CCDC71L: variants seen among roughly 807,000 people sequenced by gnomAD.
CCDC71L encodes the protein coiled-coil domain-containing protein 71L.
Under a neutral mutation model 10.2 loss-of-function variants are expected in CCDC71L, and 6 were observed. That is an observed-to-expected ratio of 0.59 (90% CI 0.32 to 1.16). The LOEUF (loss-of-function observed/expected upper bound fraction) is 1.16, where lower values mean the gene tolerates loss of function less well. CCDC71L is among the 50% of genes most tolerant of loss of function. The pLI, the probability that CCDC71L is intolerant of heterozygous loss-of-function variation, is 0.05. For missense variants in CCDC71L, 366 were observed against 383.4 expected (o/e 0.95, Z 0.38); for synonymous variants, 204 against 175.5 (o/e 1.16, Z -1.28).
chr7:106,656,809 A>G lies in CCDC71L; in HGVS notation c.*3380T>C, dbSNP rs1456710687. 6.6e-6 allele frequency: 1 copy of G among 152,234 alleles called. No homozygotes were observed. The highest frequency in any genetic ancestry group is 1.5e-5 in the Non-Finnish European group (1 of 68,026). The allele number at this position is 152,234 out of a possible 1,614,324, so 9.4% of individuals were successfully genotyped here. A position where few individuals can be genotyped will look rare whatever the true frequency, so the allele number is the denominator to read the frequency against. On this transcript the variant is annotated 3_prime_UTR_variant, in exon 1 of 1. Transcript: ENST00000523505. ...ATTTACAGTTAATAAGTTAAAAAGC[A>G]AAGTACAAGCAGATTATAAATCTCA...
rs1474827894 is a variant in CCDC71L at position 106,659,659 on chromosome 7, G to A, written c.*530C>T. The A allele has an allele frequency of 6.5e-6, 1 of 152,674 alleles. No homozygotes were observed. Among genetic ancestry groups the A allele is most frequent in the African/African-American group, 2.4e-5 (1 of 41,430 alleles). 9.5% of individuals were successfully genotyped at this position (152,674 alleles called of 1,614,324 possible). A position where few individuals can be genotyped will look rare whatever the true frequency, so the allele number is the denominator to read the frequency against. ...CCAGTAAAAATTAGGAAACGAGTGG[G>A]CTTCAGAATACCCTGAGCACAAACT... is the stretch of plus-strand genomic sequence containing the variant. On this transcript the variant is annotated 3_prime_UTR_variant, in exon 1 of 1. Coordinates refer to ENST00000523505, the MANE Select transcript of CCDC71L (RefSeq NM_175884.6).
rs1230403622 is a variant in CCDC71L, at chr7:106,658,517, C to G, written c.*1672G>C. 5 of 152,264 alleles carry G rather than the reference C, an allele frequency of 3.3e-5. No individual in the cohort carries two copies. The highest frequency in any genetic ancestry group is 3.3e-4 in the Admixed American group (5 of 15,276). The allele number at this position is 152,264 out of a possible 1,614,324, so 9.4% of individuals were successfully genotyped here. A position where few individuals can be genotyped will look rare whatever the true frequency, so the allele number is the denominator to read the frequency against. On this transcript the variant is annotated 3_prime_UTR_variant, in exon 1 of 1. Transcript: ENST00000523505. ...AGTCAAAATTGTAACTCTCATTATT[C>G]TCCTAAAAAGCTGCCAAGCAGAGAT... is the stretch of plus-strand genomic sequence containing the variant.
At position 106,656,970 on chromosome 7, in the gene CCDC71L, T is replaced by C. The variant is rs945242902; in HGVS notation, c.*3219A>G. The C allele has an allele frequency of 6.6e-6, 1 of 152,208 alleles. No homozygotes were observed. Among genetic ancestry groups the C allele is most frequent in the Admixed American group, 6.5e-5 (1 of 15,284 alleles). 9.4% of individuals were successfully genotyped at this position (152,208 alleles called of 1,614,324 possible). On this transcript the variant is annotated 3_prime_UTR_variant, in exon 1 of 1. Coordinates refer to ENST00000523505, the MANE Select transcript of CCDC71L (RefSeq NM_175884.6). Reference sequence around the variant, plus strand: ...AATAAATATTAGGCATGTATGTCCATTAAAAACCATTAAAGAGTCCTGTGG... The same window carrying C: ...AATAAATATTAGGCATGTATGTCCACTAAAAACCATTAAAGAGTCCTGTGG...
chr7:106,660,064 A>G lies in CCDC71L; in HGVS notation c.*125T>C, dbSNP rs1792561088. ...ACCATCCGGCAACTTCTTCGCGCGT[A>G]AAGTGCATTGGGGGCCGGGGTCCTG... On this transcript the variant is annotated 3_prime_UTR_variant, in exon 1 of 1. Coordinates refer to ENST00000523505, the MANE Select transcript of CCDC71L (RefSeq NM_175884.6). This position sits in a 1 kb window ranked among gnomAD's most constrained non-coding sequence, Gnocchi z 7.5. 8.0e-7 allele frequency: 1 copy of G among 1,256,328 alleles called. No individual in the cohort carries two copies. Among genetic ancestry groups the G allele is most frequent in the Non-Finnish European group, 1.0e-6 (1 of 968,016 alleles). The allele number at this position is 1,256,328 out of a possible 1,614,324, so 77.8% of individuals were successfully genotyped here.
chr7:106,660,911 GGCCACTCAC>G lies in CCDC71L; in HGVS notation c.-24_-16del. On this transcript the variant is annotated 5_prime_UTR_variant, in exon 1 of 1. Coordinates refer to ENST00000523505, the MANE Select transcript of CCDC71L (RefSeq NM_175884.6). The surrounding 1 kb of genome is among the most constrained non-coding windows in gnomAD (Gnocchi z 7.5). ...CTGCGCCGCATCGAAGGCCGCTCCG[GGCCACTCAC>G]GCTCGCCGGGTCCCACTACTGCCGC... is the stretch of plus-strand genomic sequence containing the variant. The G allele has an allele frequency of 7.4e-7, 1 of 1,357,344 alleles. No homozygotes were observed. Among genetic ancestry groups the G allele is most frequent in the Admixed American group, 4.0e-5 (1 of 24,916 alleles). The allele number at this position is 1,357,344 out of a possible 1,614,324, so 84.1% of individuals were successfully genotyped here.
chr7:106,656,054 C>T lies in CCDC71L; in HGVS notation c.*4135G>A, dbSNP rs1792485320. On this transcript the variant is annotated 3_prime_UTR_variant, in exon 1 of 1. Transcript: ENST00000523505. ...GGTAGTTATTAATCCTTATAATATCCCAATAGTTTCTTTCACTAATCACAT... is the reference window on the plus strand; with the variant it reads ...GGTAGTTATTAATCCTTATAATATCTCAATAGTTTCTTTCACTAATCACAT... Among the ~76,000 whole-genome samples, 1 of 152,074 alleles carries T rather than the reference C, an allele frequency of 6.6e-6. No individual in the cohort carries two copies. The highest frequency in any genetic ancestry group is 2.4e-5 in the African/African-American group (1 of 41,376).
At position 106,660,007 on chromosome 7, in the gene CCDC71L, A is replaced by G; in HGVS notation, c.*182T>C. ...GAGGGCACACCTGCCCCAGCGTCCA[A>G]GACGACCGCGCCGCGGCCCGGGACA... On this transcript the variant is annotated 3_prime_UTR_variant, in exon 1 of 1. Transcript: ENST00000523505. The surrounding 1 kb of genome is among the most constrained non-coding windows in gnomAD (Gnocchi z 7.5). 8 of 861,980 alleles carry G rather than the reference A, an allele frequency of 9.3e-6. No individual in the cohort carries two copies. In the South Asian group the frequency reaches 1.0e-4, roughly 11 times the overall value. The allele number at this position is 861,980 out of a possible 1,614,324, so 53.4% of individuals were successfully genotyped here. A position where few individuals can be genotyped will look rare whatever the true frequency, so the allele number is the denominator to read the frequency against.
chr7:106,660,768 C>T lies in CCDC71L; in HGVS notation c.129G>A (p.Ser43=), dbSNP rs1481766991. Reference sequence around the variant, plus strand: ...TGTCAGCCAGCGACAGTTGCGACCGCGAGTACACCACCTTCTCCTCCCGCG... The same window carrying T: ...TGTCAGCCAGCGACAGTTGCGACCGTGAGTACACCACCTTCTCCTCCCGCG... ...LEAREEKVVY[S]RSQLSLADST... Residue 43 remains serine (S), a synonymous_variant, in exon 1 of 1, where the codon TCG becomes TCA. Coordinates refer to ENST00000523505, the MANE Select transcript of CCDC71L (RefSeq NM_175884.6). The surrounding 1 kb of genome is among the most constrained non-coding windows in gnomAD (Gnocchi z 7.5). 6.4e-7 allele frequency: 1 copy of T among 1,553,146 alleles called. No individual in the cohort carries two copies. Among genetic ancestry groups the T allele is most frequent in the African/African-American group, 1.4e-5 (1 of 72,946 alleles).
At position 106,660,577 on chromosome 7, in the gene CCDC71L, A is replaced by T. The variant is rs1365395912; in HGVS notation, c.320T>A (p.Leu107Gln). ...DVYGYSSCRA[L>Q]VPDPPGPPTA... ...AGGGGGCCCCGGGGGGTCGGGTACC[A>T]GGGCCCGGCAGGAGGAGTAGCCGTA... The change falls in exon 1 of 1, where the codon CTG becomes CAG. Residue 107 changes from leucine (L) to glutamine (Q), a missense_variant. Physicochemically the swap from Leu to Gln is moderately radical, Grantham distance 113. Coordinates refer to ENST00000523505, the MANE Select transcript of CCDC71L (RefSeq NM_175884.6). This position sits in a 1 kb window ranked among gnomAD's most constrained non-coding sequence, Gnocchi z 7.5. 6.4e-7 allele frequency: 1 copy of T among 1,550,594 alleles called. No individual in the cohort carries two copies.
rs1245912212 is a variant in CCDC71L at position 106,656,057 on chromosome 7, A to G, written c.*4132T>C. On this transcript the variant is annotated 3_prime_UTR_variant, in exon 1 of 1. Coordinates refer to ENST00000523505, the MANE Select transcript of CCDC71L (RefSeq NM_175884.6). ...AGTTATTAATCCTTATAATATCCCA[A>G]TAGTTTCTTTCACTAATCACATTTG... 6.6e-6 allele frequency among the ~76,000 whole-genome samples: 1 copy of G among 152,186 alleles called. No homozygotes were observed. The highest frequency in any genetic ancestry group is 1.9e-4 in the East Asian group (1 of 5,202).
rs963413504 is a variant in CCDC71L at position 106,661,093 on chromosome 7, C to G, written c.-197G>C. On this transcript the variant is annotated 5_prime_UTR_variant, in exon 1 of 1. Transcript: ENST00000523505. ...GCCCGGTACAAGATGGCGGCCGGCG[C>G]CCACCCCTGGGCTTTGTCATTGGAC... 1 of 724,984 alleles carries G rather than the reference C, an allele frequency of 1.4e-6. No individual in the cohort carries two copies. Among genetic ancestry groups the G allele is most frequent in the Non-Finnish European group, 2.0e-6 (1 of 509,358 alleles). 44.9% of individuals were successfully genotyped at this position (724,984 alleles called of 1,614,324 possible). A position where few individuals can be genotyped will look rare whatever the true frequency, so the allele number is the denominator to read the frequency against.
At position 106,656,276 on chromosome 7, in the gene CCDC71L, G is replaced by A. The variant is rs367847999; in HGVS notation, c.*3913C>T. On this transcript the variant is annotated 3_prime_UTR_variant, in exon 1 of 1. Coordinates refer to ENST00000523505, the MANE Select transcript of CCDC71L (RefSeq NM_175884.6). The stretch of plus-strand genomic sequence containing the variant: ...CCCACACAGTACTATCTATGAATCC[G>A]GCTCTTGCTGTGCTGTTCACTAATA... Among the ~76,000 whole-genome samples the A allele has an allele frequency of 9.2e-5, 14 of 152,162 alleles. No homozygotes were observed. Among genetic ancestry groups the A allele is most frequent in the East Asian group, 5.8e-4 (3 of 5,186 alleles).
chr7:106,660,399 C>T lies in CCDC71L; in HGVS notation c.498G>A (p.Val166=). The change falls in exon 1 of 1, where the codon GTG becomes GTA. Residue 166 remains valine, a synonymous_variant. Coordinates refer to ENST00000523505, the MANE Select transcript of CCDC71L (RefSeq NM_175884.6). This position sits in a 1 kb window ranked among gnomAD's most constrained non-coding sequence, Gnocchi z 7.5. ...GGCCCCCGAAGCAGGGCCCGGGGGCCACGGGCTTGGCCGGGCAGCTCTCCT... is the reference window on the plus strand; with the variant it reads ...GGCCCCCGAAGCAGGGCCCGGGGGCTACGGGCTTGGCCGGGCAGCTCTCCT... ...PPEESCPAKP[V]APGPCFGGRT... The T allele has an allele frequency of 7.6e-7, 1 of 1,323,958 alleles. No homozygotes were observed. The highest frequency in any genetic ancestry group is 1.9e-5 in the South Asian group (1 of 52,132). 82.0% of individuals were successfully genotyped at this position (1,323,958 alleles called of 1,614,324 possible).
rs1474984766 is a variant in CCDC71L, at chr7:106,658,164, A to G, written c.*2025T>C. ...GAAGAAAACCCTATGCATCTGAAAT[A>G]CAATTGGCAATGGAAGCTAATAACC... On this transcript the variant is annotated 3_prime_UTR_variant, in exon 1 of 1. Coordinates refer to ENST00000523505, the MANE Select transcript of CCDC71L (RefSeq NM_175884.6). 6.6e-6 allele frequency: 1 copy of G among 152,246 alleles called. No homozygotes were observed. The highest frequency in any genetic ancestry group is 1.5e-5 in the Non-Finnish European group (1 of 68,040). The allele number at this position is 152,246 out of a possible 1,614,324, so 9.4% of individuals were successfully genotyped here.
In CCDC71L at chr7:106,658,355, A is replaced by G. The variant is rs1329994176; in HGVS notation, c.*1834T>C. ...CTAGAAAACTGGCATCAAGTTATATATATGTGTGTATATATATATCATATT... is the reference window on the plus strand; with the variant it reads ...CTAGAAAACTGGCATCAAGTTATATGTATGTGTGTATATATATATCATATT... On this transcript the variant is annotated 3_prime_UTR_variant, in exon 1 of 1. Transcript: ENST00000523505. 6.6e-6 allele frequency: 1 copy of G among 152,210 alleles called. No homozygotes were observed. Among genetic ancestry groups the G allele is most frequent in the Non-Finnish European group, 1.5e-5 (1 of 68,026 alleles). 9.4% of individuals were successfully genotyped at this position (152,210 alleles called of 1,614,324 possible).
rs1792500890 is a variant in CCDC71L, at chr7:106,656,916, ACT to A, written c.*3271_*3272del. The stretch of plus-strand genomic sequence containing the variant: ...TTTTCTAATGCGCTTAAGACATAAC[ACT>A]CTATCAAAAAATATTTTAAACACAC... On this transcript the variant is annotated 3_prime_UTR_variant, in exon 1 of 1. Coordinates refer to ENST00000523505, the MANE Select transcript of CCDC71L (RefSeq NM_175884.6). The A allele has an allele frequency of 6.6e-6, 1 of 152,146 alleles. No individual in the cohort carries two copies. Among genetic ancestry groups the A allele is most frequent in the South Asian group, 2.1e-4 (1 of 4,836 alleles). 9.4% of individuals were successfully genotyped at this position (152,146 alleles called of 1,614,324 possible). A position where few individuals can be genotyped will look rare whatever the true frequency, so the allele number is the denominator to read the frequency against.
rs1465384494 is a variant in CCDC71L, at chr7:106,660,564, G to A, written c.333C>T (p.Pro111=). The A allele has an allele frequency of 3.9e-6, 6 of 1,534,304 alleles. No homozygotes were observed. The highest frequency in any genetic ancestry group is 5.3e-6 in the Non-Finnish European group (6 of 1,141,516). The stretch of plus-strand genomic sequence containing the variant: ...GGCCGCGGGCTGTAGGGGGCCCCGG[G>A]GGGTCGGGTACCAGGGCCCGGCAGG... ...YSSCRALVPD[P]PGPPTARGQA... The change falls in exon 1 of 1, where the codon CCC becomes CCT. Residue 111 remains proline, a synonymous_variant. Transcript: ENST00000523505. This position sits in a 1 kb window ranked among gnomAD's most constrained non-coding sequence, Gnocchi z 7.5.
Position 106,659,982 on chromosome 7 carries a change from G to A in CCDC71L, c.*207C>T, listed in dbSNP as rs978666676. The A allele has an allele frequency of 9.2e-6, 6 of 654,624 alleles. No homozygotes were observed. Among genetic ancestry groups the A allele is most frequent in the East Asian group, 3.5e-5 (1 of 28,856 alleles). 40.6% of individuals were successfully genotyped at this position (654,624 alleles called of 1,614,324 possible). A position where few individuals can be genotyped will look rare whatever the true frequency, so the allele number is the denominator to read the frequency against. ...CGCAGGCCGGGTACGGGAGGCAGCAGAGGGCACACCTGCCCCAGCGTCCAA... is the reference window on the plus strand; with the variant it reads ...CGCAGGCCGGGTACGGGAGGCAGCAAAGGGCACACCTGCCCCAGCGTCCAA... On this transcript the variant is annotated 3_prime_UTR_variant, in exon 1 of 1. Transcript: ENST00000523505.
rs559607724 is a variant in CCDC71L, at chr7:106,655,864, C to T, written c.*4325G>A. Among the ~76,000 whole-genome samples the T allele has an allele frequency of 1.3e-5, 2 of 152,284 alleles. No homozygotes were observed. The highest frequency in any genetic ancestry group is 4.1e-4 in the South Asian group (2 of 4,832). ...TCTCTTCTCTTCATTTATCTTACAG[C>T]TTTCCCAGAGCCACACAATATTCTT... is the stretch of plus-strand genomic sequence containing the variant. On this transcript the variant is annotated 3_prime_UTR_variant, in exon 1 of 1. Coordinates refer to ENST00000523505, the MANE Select transcript of CCDC71L (RefSeq NM_175884.6).
Sources: gnomAD v4.1 joint callset for allele counts (sites outside exome capture counted in the v4.1 genomes callset) on GRCh38, gnomAD v4.1.1 for gene constraint, Gnocchi (gnomAD v3.1) non-coding constraint, MANE v1.5 for transcripts, NCBI Gene and HGNC (gene_info 2026-07-23, HGNC 2026-07-21) for gene names.